APLF: variants seen among roughly 807,000 people sequenced by gnomAD.
APLF encodes aprataxin and PNKP like factor.
In APLF, 61 loss-of-function variants were observed where a neutral mutation model predicts 55.6. The observed-to-expected ratio is 1.10, with a 90% confidence interval of 0.89 to 1.36. The LOEUF (loss-of-function observed/expected upper bound fraction) is 1.36. APLF is among the 40% of genes most tolerant of loss of function. The pLI is 0.00. For missense variants in APLF, 611 were observed against 602.5 expected, an observed-to-expected ratio of 1.01 and a Z score of -0.15; for synonymous variants, 207 against 214.8, an observed-to-expected ratio of 0.96 and a Z score of 0.32.
chr2:68,471,946 C>T (rs1031569291), intron 1 of APLF, among the ~76,000 whole-genome samples: 19 of 152,062 alleles, frequency 1.2e-4, no homozygotes. Context: ...TTTAGGGAGG[C>T]ATGAGACATC....
At chr2:68,568,578 A>C (rs1192568917) in intron 9 of APLF, among the ~76,000 whole-genome samples, 2 of 152,106 alleles carry the variant, frequency 1.3e-5, no homozygotes, top group African/African-American at 4.8e-5. Flanking sequence ...GAAATAATGT[A>C]ATTGTATTTG....
chr2:68,548,178 A>G (rs1670757455), intron 8 of APLF, among the ~76,000 whole-genome samples: 1 of 151,874 alleles, frequency 6.6e-6, no homozygotes, highest in Non-Finnish European at 1.5e-5. Context: ...TTGTTTCATG[A>G]TCTCAGAGCA....
At chr2:68,565,504 T>C (rs112773932) in intron 8 of APLF, among the ~76,000 whole-genome samples, 2,081 of 144,788 alleles carry the variant, frequency 0.014, 39 homozygotes, top group African/African-American at 0.052. Flanking sequence ...GATAGACAGA[T>C]AGACAGATAG....
At chr2:68,508,689 A>G (rs1347748188) in intron 3 of APLF, among the ~76,000 whole-genome samples, 2 of 152,026 alleles carry the variant, frequency 1.3e-5, no homozygotes, top group Non-Finnish European at 2.9e-5. Context: ...CAAGCTACCA[A>G]TGACTTTCTT....
At chr2:68,559,405 T>G (rs1671106216) in intron 8 of APLF, among the ~76,000 whole-genome samples, 1 of 152,138 alleles carries the variant, frequency 6.6e-6, no homozygotes, top group African/African-American at 2.4e-5. Flanking sequence ...CTAATTCAAT[T>G]TAATGGTTCA....
chr2:68,526,108 TC>T lies in APLF; in HGVS notation c.673del (p.Gln225SerfsTer2). The T allele has an allele frequency of 6.2e-7, 1 of 1,613,484 alleles. No homozygotes were observed. Among genetic ancestry groups the T allele is most frequent in the South Asian group, 1.1e-5 (1 of 91,038 alleles). On this transcript the variant is annotated frameshift_variant, in exon 6 of 10. Coordinates refer to ENST00000303795, the MANE Select transcript of APLF (RefSeq NM_173545.3). LOFTEE classifies it high-confidence loss of function. ...SGKEEICKDK[S>X]QLNTTQQGRR... ...AAAAGAAGAAATCTGCAAAGATAAA[TC>T]CCAGCTAAACACAACCCAGCAAGGA...
intron 1 of APLF, among the ~76,000 whole-genome samples, chr2:68,487,709 C>T (rs972486185): frequency 6.6e-6 from 1 of 152,094 alleles, no homozygotes. Flanking sequence ...CTCCCCACCC[C>T]TCTCCGTATA....
intron 8 of APLF, among the ~76,000 whole-genome samples, chr2:68,556,053 C>T (rs1029357341): frequency 6.6e-6 from 1 of 152,164 alleles, no homozygotes; most frequent in Non-Finnish European, 1.5e-5. Flanking sequence ...TCACAGTGAC[C>T]TGGATGAGAT....
chr2:68,491,368 C>T lies in APLF; in HGVS notation c.168+1107C>T, dbSNP rs371741154. The stretch of plus-strand genomic sequence containing the variant: ...GGAACTCTGACTAATCTTTGTATCC[C>T]TAGTGTTTAGCATAGTGCCTAAGAC... On this transcript the variant is annotated intron_variant, in intron 2 of 9. Coordinates refer to ENST00000303795, the MANE Select transcript of APLF (RefSeq NM_173545.3). Among the ~76,000 whole-genome samples, 97 of 152,276 alleles carry T rather than the reference C, an allele frequency of 6.4e-4. 1 individual carries two copies. Among genetic ancestry groups the T allele is most frequent in the African/African-American group, 2.2e-3 (93 of 41,540 alleles).
intron 8 of APLF, among the ~76,000 whole-genome samples, chr2:68,552,856 G>T (rs1171665858): frequency 6.6e-6 from 1 of 151,826 alleles, no homozygotes; most frequent in African/African-American, 2.4e-5. Flanking sequence ...TATAGATATG[G>T]TGCTTTCTTC....
intron 8 of APLF, among the ~76,000 whole-genome samples, chr2:68,555,113 G>GA (rs1379969911): frequency 2.0e-5 from 3 of 151,988 alleles, no homozygotes; most frequent in Admixed American, 6.6e-5. Context: ...CCACATGTAG[G>GA]AAAATGAAAC....
chr2:68,543,557 G>A (rs1670617469), intron 7 of APLF, among the ~76,000 whole-genome samples: 1 of 152,152 alleles, frequency 6.6e-6, no homozygotes, highest in South Asian at 2.1e-4. Flanking sequence ...TATCAAACCT[G>A]AGCATATACA....
intron 5 of APLF, among the ~76,000 whole-genome samples, chr2:68,518,593 G>GCTTTAT (rs1485616102): frequency 8.4e-6 from 1 of 118,444 alleles, no homozygotes; most frequent in African/African-American, 3.3e-5. Flanking sequence ...AATATATCAT[G>GCTTTAT]AATATATAAT....
rs529775483 is a variant in APLF at position 68,474,201 on chromosome 2, A to T, written c.96+6374A>T. Among the ~76,000 whole-genome samples the T allele has an allele frequency of 2.0e-5, 3 of 152,336 alleles. No homozygotes were observed. In the East Asian group the frequency reaches 5.8e-4, roughly 29 times the overall value. ...ACCCTCCAGAAACCTCTACATGTTC[A>T]CCTGTTTGGAAGCTTTCCTAACCCT... On this transcript the variant is annotated intron_variant, in intron 1 of 9. Transcript: ENST00000303795.
chr2:68,515,650 T>A, intron 5 of APLF: 1 of 984,702 alleles, frequency 1.0e-6, no homozygotes, highest in Non-Finnish European at 1.2e-6. Context: ...ATGAGAGTAA[T>A]TTGACATTGG....
intron 9 of APLF, among the ~76,000 whole-genome samples, chr2:68,574,784 T>G (rs995410736): frequency 6.6e-6 from 1 of 152,224 alleles, no homozygotes; most frequent in African/African-American, 2.4e-5. Flanking sequence ...CACTGAGGCT[T>G]CATTTAGCAG....
chr2:68,496,948 T>A (rs1038353628), intron 2 of APLF, among the ~76,000 whole-genome samples: 27 of 152,206 alleles, frequency 1.8e-4, no homozygotes, highest in Admixed American at 1.7e-3. Flanking sequence ...TTCCAAACTT[T>A]TCTAACTGCT....
intron 6 of APLF, among the ~76,000 whole-genome samples, chr2:68,526,610 T>A (rs903449136): frequency 2.0e-5 from 3 of 152,168 alleles, no homozygotes; most frequent in Admixed American, 6.5e-5. Context: ...GATCTTACAG[T>A]CAAGGAAAAA....
rs1163457732 is a variant in APLF, at chr2:68,580,052, A to G, written c.*2030A>G. 1.1e-6 allele frequency: 1 copy of G among 919,358 alleles called. No individual in the cohort carries two copies. Among genetic ancestry groups the G allele is most frequent in the Non-Finnish European group, 1.3e-6 (1 of 769,784 alleles). The allele number at this position is 919,358 out of a possible 1,614,324, so 57.0% of individuals were successfully genotyped here. A position where few individuals can be genotyped will look rare whatever the true frequency, so the allele number is the denominator to read the frequency against. Reference sequence around the variant, plus strand: ...AAAGGATATTCTTCGTAGTAATGTAATAGTTCATGGTAGCTGCTTTTAACG... The same window carrying G: ...AAAGGATATTCTTCGTAGTAATGTAGTAGTTCATGGTAGCTGCTTTTAACG... On this transcript the variant is annotated 3_prime_UTR_variant, in exon 10 of 10. Transcript: ENST00000303795.
Sources: allele counts gnomAD v4.1 joint callset (sites outside exome capture counted in the v4.1 genomes callset), GRCh38; gene constraint gnomAD v4.1.1; transcripts MANE v1.5; gene names NCBI Gene and HGNC (gene_info 2026-07-23, HGNC 2026-07-21).